ZNF169: variants seen among roughly 807,000 people sequenced by gnomAD.
The protein encoded by ZNF169 is zinc finger protein 169.
In ZNF169, 11 loss-of-function variants were observed where a neutral mutation model predicts 12.0. The ratio of observed to expected loss-of-function variants is 0.92; its 90% CI spans 0.58 to 1.52. The LOEUF is 1.52. ZNF169 is among the 40% of genes most tolerant of loss of function. The probability of loss-of-function intolerance (pLI) is 0.00; values close to 1 mark genes in which losing one functional copy is unlikely to be tolerated. For missense variants in ZNF169, 722 were observed against 744.0 expected (o/e 0.97, Z 0.34); for synonymous variants, 302 against 286.5 (o/e 1.05, Z -0.55).
intron 1 of ZNF169, among the ~76,000 whole-genome samples, chr9:94,264,158 G>T (rs1343390651): frequency 6.6e-6 from 1 of 151,994 alleles, no homozygotes; most frequent in East Asian, 1.9e-4. Context: ...TCTTTTTGAG[G>T]TGGCGTCTTG....
intron 1 of ZNF169, among the ~76,000 whole-genome samples, chr9:94,277,439 G>C (rs561316064): frequency 6.6e-6 from 1 of 152,150 alleles, no homozygotes; most frequent in Non-Finnish European, 1.5e-5. Context: ...TCCCACAAGA[G>C]ACTTTGTAGG....
intron 1 of ZNF169, among the ~76,000 whole-genome samples, chr9:94,270,737 T>TATATTTATATATTATA (rs1262184587): frequency 3.1e-5 from 1 of 32,072 alleles, no homozygotes; most frequent in Non-Finnish European, 6.4e-5. Context: ...TATTATATAA[T>TATATTTATATATTATA]TAATGTATTT....
At chr9:94,262,414 G>T (rs769024668) in intron 1 of ZNF169, among the ~76,000 whole-genome samples, 12 of 152,086 alleles carry the variant, frequency 7.9e-5, no homozygotes, top group Non-Finnish European at 1.6e-4. Context: ...TCTACTGCCG[G>T]GTTCTGACAA....
At chr9:94,267,862 C>CTTTTTTTTTT (rs34734711) in intron 1 of ZNF169, among the ~76,000 whole-genome samples, 1 of 114,104 alleles carries the variant, frequency 8.8e-6, no homozygotes, top group African/African-American at 3.3e-5. Context: ...AAACTGCCTT[C>CTTTTTTTTTT]TTTTTTTTTT....
At chr9:94,292,607 T>TTTTTGTGTGTGTGTGTG (rs386415517) in intron 3 of ZNF169, 140 bp downstream of exon 3, 1 of 677,212 alleles carries the variant, frequency 1.5e-6, no homozygotes, top group Non-Finnish European at 2.4e-6. Flanking sequence ...CACAGTGCAG[T>TTTTTGTGTGTGTGTGTG]TGTGTGTGTG....
rs34453607 is a variant in ZNF169, at chr9:94,259,340, TGC to T, written c.-59_-58del. On this transcript the variant is annotated 5_prime_UTR_variant, in exon 1 of 5. Coordinates refer to ENST00000395395, the MANE Select transcript of ZNF169 (RefSeq NM_194320.4). ...TCCGCGTTCCGGCATCGTCGCCTGG[TGC>T]GTGGTGAGTGTCCTTTCACAGTTCT... The T allele has an allele frequency of 0.24, 36,851 of 152,144 alleles. 5,613 individuals carry two copies. The highest frequency in any genetic ancestry group is 0.53 in the East Asian group (2,705 of 5,116). The allele number at this position is 152,144 out of a possible 1,614,324, so 9.4% of individuals were successfully genotyped here.
intron 2 of ZNF169, among the ~76,000 whole-genome samples, chr9:94,285,420 TATA>T (rs1307500621): frequency 7.9e-5 from 12 of 152,022 alleles, no homozygotes; most frequent in African/African-American, 2.7e-4. Context: ...CAACAAAAGA[TATA>T]ATATTTATAT....
At chr9:94,269,285 G>A (rs1484367565) in intron 1 of ZNF169, among the ~76,000 whole-genome samples, 1 of 152,128 alleles carries the variant, frequency 6.6e-6, no homozygotes, top group African/African-American at 2.4e-5. Context: ...GTGTATGAGC[G>A]AGCCCTCTTG....
chr9:94,288,036 C>A, intron 2 of ZNF169: 1 of 775,544 alleles, frequency 1.3e-6, no homozygotes, highest in Non-Finnish European at 2.3e-6. Flanking sequence ...AGTCTTGTAG[C>A]CAACTACACT....
chr9:94,294,971 A>G (rs1048325031), intron 4 of ZNF169: 3 of 152,270 alleles, frequency 2.0e-5, no homozygotes, highest in South Asian at 4.1e-4. Context: ...TTTAAATGTA[A>G]CTATATAGCT....
chr9:94,278,781 C>T lies in ZNF169; in HGVS notation c.-32C>T. The T allele has an allele frequency of 1.2e-6, 2 of 1,611,730 alleles. No individual in the cohort carries two copies. ...AGATTTGCCTCTGCAACTTGACTCT[C>T]CTCTAGGAAGAGTACTCCAGAGAGC... On this transcript the variant is annotated 5_prime_UTR_variant, in exon 2 of 5. Coordinates refer to ENST00000395395, the MANE Select transcript of ZNF169 (RefSeq NM_194320.4).
chr9:94,296,988 A>G, intron 4 of ZNF169: 1 of 353,450 alleles, frequency 2.8e-6, no homozygotes, highest in South Asian at 2.1e-5. Flanking sequence ...CGGAGGTTGC[A>G]GTGAGCCGAG....
chr9:94,264,799 G>A (rs996786723), intron 1 of ZNF169, among the ~76,000 whole-genome samples: 8 of 151,942 alleles, frequency 5.3e-5, no homozygotes, highest in East Asian at 1.9e-4. Context: ...CATATAGTAC[G>A]TATTCTGTTT....
In ZNF169 at chr9:94,278,773, T is replaced by G. The variant is rs1483726667; in HGVS notation, c.-40T>G. The G allele has an allele frequency of 1.2e-6, 2 of 1,608,272 alleles. No individual in the cohort carries two copies. Among genetic ancestry groups the G allele is most frequent in the African/African-American group, 2.7e-5 (2 of 74,800 alleles). Reference sequence around the variant, plus strand: ...CTTTCCCCAGATTTGCCTCTGCAACTTGACTCTCCTCTAGGAAGAGTACTC... The same window carrying G: ...CTTTCCCCAGATTTGCCTCTGCAACGTGACTCTCCTCTAGGAAGAGTACTC... On this transcript the variant is annotated 5_prime_UTR_variant, in exon 2 of 5. Transcript: ENST00000395395.
intron 1 of ZNF169, among the ~76,000 whole-genome samples, chr9:94,269,014 C>T (rs1830343578): frequency 1.3e-5 from 2 of 151,846 alleles, no homozygotes; most frequent in Admixed American, 6.6e-5. Context: ...CATATATATA[C>T]ACATCTTGGA....
At chr9:94,268,041 G>GT (rs71366220) in intron 1 of ZNF169, among the ~76,000 whole-genome samples, 43,990 of 150,572 alleles carry the variant, frequency 0.29, 7,901 homozygotes, top group East Asian at 0.53. Flanking sequence ...AATTTTTTTT[G>GT]TTTTTTTTAG....
chr9:94,292,227 T>C, intron 2 of ZNF169, 114 bp from the exon 3 acceptor site: 1 of 1,574,094 alleles, frequency 6.4e-7, no homozygotes, highest in East Asian at 2.2e-5. Flanking sequence ...GATCTGTAAA[T>C]CTCACTTGGG....
intron 1 of ZNF169, among the ~76,000 whole-genome samples, chr9:94,273,297 C>T (rs1188393394): frequency 6.7e-6 from 1 of 148,926 alleles, no homozygotes; most frequent in Non-Finnish European, 1.5e-5. Context: ...TTGTCAAGAC[C>T]AATATCATGA....
chr9:94,286,778 T>C (rs574552066), intron 2 of ZNF169, among the ~76,000 whole-genome samples: 1 of 152,312 alleles, frequency 6.6e-6, no homozygotes, highest in South Asian at 2.1e-4. Context: ...TTTCATACTC[T>C]CGTGCAAGGG....
Sources: gnomAD v4.1 joint callset for allele counts (sites outside exome capture counted in the v4.1 genomes callset) on GRCh38, gnomAD v4.1.1 for gene constraint, MANE v1.5 for transcripts, NCBI Gene and HGNC (gene_info 2026-07-23, HGNC 2026-07-21) for gene names.